Variants in PHACTR1 observed in about 807,000 individuals in gnomAD.
The protein encoded by PHACTR1 is RPEL repeat containing 1.
PHACTR1 carries 16 observed loss-of-function variants against 69.2 expected under a neutral mutation model. The ratio of observed to expected loss-of-function variants is 0.23; its 90% CI spans 0.16 to 0.35. The LOEUF (loss-of-function observed/expected upper bound fraction) is 0.35, where lower values mean the gene tolerates loss of function less well. Ranked by LOEUF, PHACTR1 falls within the 10% of genes least tolerant of loss-of-function variation. The pLI is 1.00. For synonymous variants in PHACTR1, 312 were observed against 284.5 expected (o/e 1.10, Z -0.97); for missense variants, 510 against 734.7 (o/e 0.69, Z 3.54).
chr6:12,903,948 G>A (rs1785456000), intron 4 of PHACTR1, among the ~76,000 whole-genome samples: 1 of 152,110 alleles, frequency 6.6e-6, no homozygotes, highest in African/African-American at 2.4e-5. Context: ...GGAGGTGAGA[G>A]CCTTAAAACT....
intron 4 of PHACTR1, among the ~76,000 whole-genome samples, chr6:12,774,586 G>C (rs1428459279): frequency 6.6e-6 from 1 of 152,014 alleles, no homozygotes; most frequent in Admixed American, 6.6e-5. Flanking sequence ...TAGAGACAGG[G>C]TTTCACCATG....
At chr6:13,146,132 CTTCT>C (rs1823315738) in intron 5 of PHACTR1, among the ~76,000 whole-genome samples, 1 of 152,204 alleles carries the variant, frequency 6.6e-6, no homozygotes, top group Non-Finnish European at 1.5e-5. Flanking sequence ...CATGTAACAT[CTTCT>C]TTATCTGTCG....
At chr6:12,994,976 G>A (rs1054285203) in intron 4 of PHACTR1, among the ~76,000 whole-genome samples, 32 of 152,122 alleles carry the variant, frequency 2.1e-4, no homozygotes, top group Admixed American at 1.0e-3. Flanking sequence ...CAAAGGAATC[G>A]CCTGCCATTC....
At chr6:12,929,074 G>C (rs987808801) in intron 4 of PHACTR1, among the ~76,000 whole-genome samples, 7 of 152,224 alleles carry the variant, frequency 4.6e-5, no homozygotes, top group African/African-American at 1.7e-4. Flanking sequence ...CCATTTCGGA[G>C]TTCATGTTCC....
At chr6:13,170,624 G>T (rs1196425703) in intron 6 of PHACTR1, among the ~76,000 whole-genome samples, 5 of 152,216 alleles carry the variant, frequency 3.3e-5, no homozygotes, top group Non-Finnish European at 5.9e-5. Context: ...CTTGTGTAAA[G>T]TTAGACAAGT....
At chr6:13,001,636 T>C (rs139829604) in intron 4 of PHACTR1, among the ~76,000 whole-genome samples, 252 of 152,320 alleles carry the variant, frequency 1.7e-3, no homozygotes, top group African/African-American at 5.7e-3. Flanking sequence ...TTTTCTTGAT[T>C]CAGTGCCACC....
At chr6:12,911,636 A>G (rs545367388) in intron 4 of PHACTR1, among the ~76,000 whole-genome samples, 1 of 152,306 alleles carries the variant, frequency 6.6e-6, no homozygotes, top group East Asian at 1.9e-4. Context: ...AGCAAAGTCC[A>G]GAGCCTATGA....
At chr6:13,194,525 C>T (rs1327219053) in intron 7 of PHACTR1, among the ~76,000 whole-genome samples, 2 of 151,214 alleles carry the variant, frequency 1.3e-5, no homozygotes, top group African/African-American at 2.4e-5. Flanking sequence ...GCAAGGGTGA[C>T]GTGCCTAAGT....
At chr6:13,046,453 G>A (rs1805067451) in intron 4 of PHACTR1, among the ~76,000 whole-genome samples, 1 of 152,286 alleles carries the variant, frequency 6.6e-6, no homozygotes, top group Non-Finnish European at 1.5e-5. Context: ...ATGGGGTGGA[G>A]GAGGGTGGTG....
intron 4 of PHACTR1, among the ~76,000 whole-genome samples, chr6:12,874,601 C>G (rs1316393655): frequency 6.6e-6 from 1 of 152,174 alleles, no homozygotes; most frequent in African/African-American, 2.4e-5. Flanking sequence ...ACAAGTTCCT[C>G]ATCCCCATCG....
At chr6:12,944,666 A>T (rs1482116767) in intron 4 of PHACTR1, among the ~76,000 whole-genome samples, 1 of 152,232 alleles carries the variant, frequency 6.6e-6, no homozygotes, top group Non-Finnish European at 1.5e-5. Flanking sequence ...CTGAACACCC[A>T]CTTTGCAAGC....
chr6:12,914,022 G>A (rs888947965), intron 4 of PHACTR1, among the ~76,000 whole-genome samples: 1 of 152,116 alleles, frequency 6.6e-6, no homozygotes, highest in Non-Finnish European at 1.5e-5. Context: ...AGGCTGGAGT[G>A]CAGTGGCGCA....
chr6:12,783,856 A>G (rs996050826), intron 4 of PHACTR1, among the ~76,000 whole-genome samples: 1 of 152,182 alleles, frequency 6.6e-6, no homozygotes, highest in African/African-American at 2.4e-5. Context: ...AAATATCAGC[A>G]CTGTAGGTAA....
At chr6:12,861,280 G>T (rs147144855) in intron 4 of PHACTR1, among the ~76,000 whole-genome samples, 2 of 152,116 alleles carry the variant, frequency 1.3e-5, no homozygotes, top group Non-Finnish European at 2.9e-5. Flanking sequence ...GTCACCCAAC[G>T]CTACTATTCA....
At chr6:12,892,051 T>C (rs1337791932) in intron 4 of PHACTR1, among the ~76,000 whole-genome samples, 1 of 151,184 alleles carries the variant, frequency 6.6e-6, no homozygotes, top group South Asian at 2.1e-4. Context: ...AGGAAGCTAC[T>C]AGCTTATGCT....
intron 4 of PHACTR1, among the ~76,000 whole-genome samples, chr6:12,950,991 G>A (rs997430018): frequency 2.0e-5 from 3 of 152,124 alleles, no homozygotes; most frequent in African/African-American, 7.2e-5. Context: ...AGAATTAGAC[G>A]GACCAACAAA....
intron 4 of PHACTR1, among the ~76,000 whole-genome samples, chr6:12,881,494 C>T (rs1410284163): frequency 6.6e-6 from 1 of 152,110 alleles, no homozygotes; most frequent in Non-Finnish European, 1.5e-5. Flanking sequence ...TGCTCCACTC[C>T]CTGGAATACT....
chr6:12,910,506 A>G (rs1011226279), intron 4 of PHACTR1, among the ~76,000 whole-genome samples: 1 of 152,222 alleles, frequency 6.6e-6, no homozygotes, highest in African/African-American at 2.4e-5. Flanking sequence ...AGGAAAATGT[A>G]TTGCTAAGAA....
At chr6:12,787,041 A>G (rs1309884547) in intron 4 of PHACTR1, among the ~76,000 whole-genome samples, 2 of 152,232 alleles carry the variant, frequency 1.3e-5, no homozygotes, top group African/African-American at 2.4e-5. Context: ...CACTGAAGCA[A>G]TGGAAAGTCA....
Sources: allele counts gnomAD v4.1 joint callset (sites outside exome capture counted in the v4.1 genomes callset), GRCh38; gene constraint gnomAD v4.1.1; transcripts MANE v1.5; gene names NCBI Gene and HGNC (gene_info 2026-07-23, HGNC 2026-07-21).